Variants in RASSF3 observed in about 807,000 individuals in gnomAD.
RASSF3 encodes ras association domain-containing protein 3.
In RASSF3, 19 loss-of-function variants were observed where a neutral mutation model predicts 19.9. That is an observed-to-expected ratio of 0.96 (90% CI 0.67 to 1.40). RASSF3 has a LOEUF of 1.40. RASSF3 is among the 40% of genes most tolerant of loss of function. The probability of loss-of-function intolerance (pLI) is 0.00; values close to 1 mark genes in which losing one functional copy is unlikely to be tolerated. For synonymous variants in RASSF3, 110 were observed against 104.2 expected (o/e 1.06, Z -0.34); for missense variants, 306 against 289.8 (o/e 1.06, Z -0.41).
chr12:64,670,795 C>T (rs934750428), intron 1 of RASSF3, among the ~76,000 whole-genome samples: 3 of 152,158 alleles, frequency 2.0e-5, no homozygotes, highest in Non-Finnish European at 4.4e-5. Context: ...ATGGCTAAGT[C>T]GTCAGAAACC....
intron 1 of RASSF3, among the ~76,000 whole-genome samples, chr12:64,676,053 C>T (rs1232468164): frequency 6.6e-6 from 1 of 151,998 alleles, no homozygotes; most frequent in African/African-American, 2.4e-5. Context: ...AGATTATCAA[C>T]ACTGGTGCCG....
intron 2 of RASSF3, among the ~76,000 whole-genome samples, chr12:64,567,603 G>C (rs561447375): frequency 6.6e-6 from 1 of 152,352 alleles, no homozygotes; most frequent in East Asian, 1.9e-4. Flanking sequence ...CTGGCCCTGA[G>C]TGACGGCTCA....
chr12:64,538,591 C>A (rs1196908717), intron 1 of RASSF3, among the ~76,000 whole-genome samples: 4 of 151,912 alleles, frequency 2.6e-5, no homozygotes, highest in Non-Finnish European at 5.9e-5. Flanking sequence ...GACTATTATG[C>A]TTTATAAATA....
intron 2 of RASSF3, chr12:64,575,544 A>G (rs1177802660): frequency 6.6e-6 from 1 of 152,190 alleles, no homozygotes; most frequent in Non-Finnish European, 1.5e-5. Context: ...AGCCCGGGCA[A>G]CCTCACCTCT....
intron 2 of RASSF3, among the ~76,000 whole-genome samples, chr12:64,582,173 T>C (rs1188771600): frequency 6.6e-6 from 1 of 152,110 alleles, no homozygotes; most frequent in African/African-American, 2.4e-5. Context: ...TTTTTTATTG[T>C]AGGAGACAGA....
chr12:64,571,351 T>G (rs1171882291), intron 2 of RASSF3, among the ~76,000 whole-genome samples: 4 of 152,172 alleles, frequency 2.6e-5, no homozygotes, highest in Non-Finnish European at 4.4e-5. Context: ...GGCTGTCGCT[T>G]TTTCAGGACA....
chr12:64,614,768 G>T (rs1870495868), intron 1 of RASSF3, among the ~76,000 whole-genome samples: 1 of 149,538 alleles, frequency 6.7e-6, no homozygotes. Flanking sequence ...CAGGATCTTG[G>T]CTCACTGCAA....
intron 1 of RASSF3, among the ~76,000 whole-genome samples, chr12:64,658,520 C>G (rs1049244023): frequency 6.6e-6 from 1 of 152,128 alleles, no homozygotes. Flanking sequence ...GAAGGAATTA[C>G]GGCAGGCACA....
downstream of RASSF3, among the ~76,000 whole-genome samples, chr12:64,543,288 G>T (rs1215883247): frequency 6.6e-6 from 1 of 150,514 alleles, no homozygotes; most frequent in Non-Finnish European, 1.5e-5. Context: ...TAGCAGCTGC[G>T]GAGGGTGCTT....
Position 64,641,419 on chromosome 12 carries a change from C to CACACAT in RASSF3, c.111+30676_111+30677insACACAT, listed in dbSNP as rs769330728. Among the ~76,000 whole-genome samples the CACACAT allele has an allele frequency of 2.5e-3, 384 of 150,778 alleles. 1 individual carries two copies. Among genetic ancestry groups the CACACAT allele is most frequent in the Non-Finnish European group, 4.1e-3 (279 of 67,712 alleles). ...TCACAGGCGCACACACACACACGCGCGCGCGCGCGTTGAAAACAAATGAGA... is the reference window on the plus strand; with the variant it reads ...TCACAGGCGCACACACACACACGCGCACACATGCGCGCGCGTTGAAAACAAATGAGA... On this transcript the variant is annotated intron_variant, in intron 1 of 4. Transcript: ENST00000542104.
chr12:64,654,526 T>C (rs1166845538), intron 1 of RASSF3, among the ~76,000 whole-genome samples: 1 of 151,504 alleles, frequency 6.6e-6, no homozygotes, highest in East Asian at 1.9e-4. Flanking sequence ...TCACCGTGGC[T>C]GGGCACGGTG....
upstream of RASSF3, among the ~76,000 whole-genome samples, chr12:64,529,212 G>A (rs576238887): frequency 6.6e-6 from 1 of 152,160 alleles, no homozygotes; most frequent in Admixed American, 6.5e-5. Context: ...ACAATTCTAA[G>A]TATCTTTAAT....
At chr12:64,566,200 C>T (rs1416489359) in intron 2 of RASSF3, among the ~76,000 whole-genome samples, 4 of 151,542 alleles carry the variant, frequency 2.6e-5, no homozygotes, top group African/African-American at 9.7e-5. Flanking sequence ...GACTCTGTCT[C>T]AAAAAAAAGT....
At chr12:64,534,133 C>A (rs764403583) in intron 1 of RASSF3, among the ~76,000 whole-genome samples, 1 of 151,868 alleles carries the variant, frequency 6.6e-6, no homozygotes. Flanking sequence ...TGGTGGTGGG[C>A]ACCTGTAGTC....
intron 1 of RASSF3, among the ~76,000 whole-genome samples, chr12:64,678,826 G>A (rs1385378124): frequency 6.6e-6 from 1 of 152,058 alleles, no homozygotes; most frequent in African/African-American, 2.4e-5. Context: ...TTGAATAATG[G>A]CTTATATTAT....
At chr12:64,603,387 G>A (rs541060417) in intron 2 of RASSF3, among the ~76,000 whole-genome samples, 2 of 152,198 alleles carry the variant, frequency 1.3e-5, no homozygotes, top group South Asian at 4.2e-4. Flanking sequence ...AAATTCACTT[G>A]GACACAGATA....
intron 2 of RASSF3, among the ~76,000 whole-genome samples, chr12:64,597,837 C>T (rs1870020873): frequency 6.6e-6 from 1 of 152,180 alleles, no homozygotes; most frequent in African/African-American, 2.4e-5. Flanking sequence ...CCTGAACTTC[C>T]TATTCTATTC....
chr12:64,675,583 C>G (rs1034965232), intron 1 of RASSF3, among the ~76,000 whole-genome samples: 4 of 152,078 alleles, frequency 2.6e-5, no homozygotes, highest in African/African-American at 9.7e-5. Flanking sequence ...GATTGGTGTT[C>G]CATGGAACAC....
At chr12:64,621,079 G>A (rs568865449) in intron 1 of RASSF3, among the ~76,000 whole-genome samples, 3 of 152,098 alleles carry the variant, frequency 2.0e-5, no homozygotes, top group African/African-American at 7.2e-5. Flanking sequence ...GGGATTACAG[G>A]CGCCTGCCAC....
Sources: gnomAD v4.1 joint callset for allele counts (sites outside exome capture counted in the v4.1 genomes callset) on GRCh38, gnomAD v4.1.1 for gene constraint, MANE v1.5 for transcripts, NCBI Gene and HGNC (gene_info 2026-07-23, HGNC 2026-07-21) for gene names.